Variants in CBFA2T3 observed in about 807,000 individuals in gnomAD.
The protein encoded by CBFA2T3 is transcriptional corepressor CBFA2T3.
In CBFA2T3, 31 loss-of-function variants were observed where a neutral mutation model predicts 58.6. The observed-to-expected ratio is 0.53, with a 90% confidence interval of 0.40 to 0.71. The LOEUF (loss-of-function observed/expected upper bound fraction) is 0.71, where lower values mean the gene tolerates loss of function less well. CBFA2T3 is among the 30% of genes least tolerant of loss of function. CBFA2T3 has a pLI of 0.00. For synonymous variants in CBFA2T3, 531 were observed against 421.9 expected (o/e 1.26, Z -3.17); for missense variants, 1,076 against 963.1 (o/e 1.12, Z -1.55).
At chr16:88,945,382 A>G (rs987262005) in intron 1 of CBFA2T3, among the ~76,000 whole-genome samples, 2 of 152,272 alleles carry the variant, frequency 1.3e-5, no homozygotes, top group Non-Finnish European at 2.9e-5. Context: ...AAGACAGGCC[A>G]TAGACTGGGA....
At chr16:88,966,334 C>T (rs915506968) in intron 1 of CBFA2T3, among the ~76,000 whole-genome samples, 22 of 152,294 alleles carry the variant, frequency 1.4e-4, no homozygotes, top group Admixed American at 3.3e-4. Context: ...AGGCCTGTGC[C>T]GGGGTAGGGG....
chr16:88,876,954 G>A lies in CBFA2T3; in HGVS notation c.*22C>T, dbSNP rs770377861. 34 of 1,409,106 alleles carry A rather than the reference G, an allele frequency of 2.4e-5. No individual in the cohort carries two copies. The East Asian group carries it at 5.7e-4, about 24-fold the overall frequency. The allele number at this position is 1,409,106 out of a possible 1,614,324, so 87.3% of individuals were successfully genotyped here. ...GTGGGGTTGGCACGGTGCTGTGTCCGGCAGGCCAGGGGCCAGTGGGGTCAG... is the reference window on the plus strand; with the variant it reads ...GTGGGGTTGGCACGGTGCTGTGTCCAGCAGGCCAGGGGCCAGTGGGGTCAG... On this transcript the variant is annotated 3_prime_UTR_variant, in exon 12 of 12. Transcript: ENST00000268679.
chr16:88,911,539 C>T (rs965477120), intron 1 of CBFA2T3, among the ~76,000 whole-genome samples: 2 of 152,382 alleles, frequency 1.3e-5, no homozygotes, highest in East Asian at 1.9e-4. Context: ...GAACCTCAGG[C>T]GCCCTCTCCC....
At position 88,951,322 on chromosome 16, in the gene CBFA2T3, T is replaced by G. The variant is rs111390870; in HGVS notation, c.151+25335A>C. The G allele has an allele frequency of 4.7e-3, 2,129 of 457,518 alleles. 38 individuals carry two copies. Among genetic ancestry groups the G allele is most frequent in the African/African-American group, 0.038 (1,927 of 50,188 alleles). 28.3% of individuals were successfully genotyped at this position (457,518 alleles called of 1,614,324 possible). A position where few individuals can be genotyped will look rare whatever the true frequency, so the allele number is the denominator to read the frequency against. ...ACAGAGGGTCGAGTGTTGGCACCTG[T>G]CTTCTGGGTCTCCATCCCTCCCTTT... On this transcript the variant is annotated intron_variant, in intron 1 of 11. Transcript: ENST00000268679.
At chr16:88,912,066 C>T (rs1313631155) in intron 1 of CBFA2T3, among the ~76,000 whole-genome samples, 9 of 152,272 alleles carry the variant, frequency 5.9e-5, no homozygotes, top group African/African-American at 1.9e-4. Flanking sequence ...GAAAATCTCA[C>T]AAACTCCCTC....
chr16:88,917,599 TCA>T (rs1475470576), intron 1 of CBFA2T3, among the ~76,000 whole-genome samples: 13 of 152,140 alleles, frequency 8.5e-5, no homozygotes, highest in Non-Finnish European at 8.8e-5. Context: ...TGGCTGCAAA[TCA>T]CCTTGAACTC....
intron 1 of CBFA2T3, among the ~76,000 whole-genome samples, chr16:88,901,990 G>A (rs1197421717): frequency 2.0e-5 from 3 of 152,212 alleles, no homozygotes. Flanking sequence ...AGGCAGCGGT[G>A]CCTTGCTCCC....
At chr16:88,895,192 T>G (rs1475698683) in intron 3 of CBFA2T3, among the ~76,000 whole-genome samples, 1 of 152,148 alleles carries the variant, frequency 6.6e-6, no homozygotes, top group East Asian at 1.9e-4. Context: ...GGCCGCACCC[T>G]CCAGAGGGCA....
intron 1 of CBFA2T3, among the ~76,000 whole-genome samples, chr16:88,965,216 A>T (rs1231749910): frequency 6.6e-6 from 1 of 151,508 alleles, no homozygotes; most frequent in African/African-American, 2.4e-5. Flanking sequence ...ATTTGAATTA[A>T]TATCTGACAA....
At chr16:88,922,770 C>T (rs889980135) in intron 1 of CBFA2T3, among the ~76,000 whole-genome samples, 2 of 152,246 alleles carry the variant, frequency 1.3e-5, no homozygotes, top group Admixed American at 1.3e-4. Context: ...GAGACGGTGA[C>T]ACCACTGTTC....
chr16:88,881,406 C>T lies in CBFA2T3; in HGVS notation c.1287G>A (p.Glu429=), dbSNP rs1597657342. 1.2e-6 allele frequency: 2 copies of T among 1,606,482 alleles called. No homozygotes were observed. The highest frequency in any genetic ancestry group is 1.7e-6 in the Non-Finnish European group (2 of 1,177,736). ...AGCGCCGCGCCCAGTGGTTGAGCTCCTCGCGGTCGGCCTCCTGGCACCTGC... is the reference window on the plus strand; with the variant it reads ...AGCGCCGCGCCCAGTGGTTGAGCTCTTCGCGGTCGGCCTCCTGGCACCTGC... The part of the protein sequence containing the change: ...VLRRCQEADR[E]ELNHWARRYS... Residue 429 remains glutamate, a synonymous_variant, in exon 9 of 12, where the codon GAG becomes GAA. Coordinates refer to ENST00000268679, the MANE Select transcript of CBFA2T3 (RefSeq NM_005187.6).
intron 1 of CBFA2T3, among the ~76,000 whole-genome samples, chr16:88,906,663 C>T (rs1970348176): frequency 6.6e-6 from 1 of 152,196 alleles, no homozygotes; most frequent in Non-Finnish European, 1.5e-5. Context: ...ACCTGGTGCC[C>T]CAGGCCTATT....
chr16:88,924,737 T>C (rs1033538122), intron 1 of CBFA2T3, among the ~76,000 whole-genome samples: 1 of 152,136 alleles, frequency 6.6e-6, no homozygotes, highest in African/African-American at 2.4e-5. Flanking sequence ...TTGCCCCAGC[T>C]GGCCGGACGC....
chr16:88,899,508 G>A (rs911727716), intron 2 of CBFA2T3, among the ~76,000 whole-genome samples: 5 of 152,156 alleles, frequency 3.3e-5, no homozygotes, highest in Non-Finnish European at 7.3e-5. Context: ...ACCCCAAGGC[G>A]GGCTGGGAGT....
At chr16:88,907,376 G>C (rs891922779) in intron 1 of CBFA2T3, among the ~76,000 whole-genome samples, 1 of 152,192 alleles carries the variant, frequency 6.6e-6, no homozygotes, top group African/African-American at 2.4e-5. Context: ...GCTGGGGTGG[G>C]TGGGGTCAGT....
At chr16:88,908,509 G>A (rs1970413935) in intron 1 of CBFA2T3, among the ~76,000 whole-genome samples, 1 of 152,206 alleles carries the variant, frequency 6.6e-6, no homozygotes, top group African/African-American at 2.4e-5. Context: ...CAGAGCCAGT[G>A]GGAAAGAGCC....
At chr16:88,893,601 G>C (rs1175898057) in intron 3 of CBFA2T3, among the ~76,000 whole-genome samples, 1 of 152,220 alleles carries the variant, frequency 6.6e-6, no homozygotes, top group Non-Finnish European at 1.5e-5. Context: ...GTGCACACAG[G>C]CCAGTGCATG....
intron 3 of CBFA2T3, among the ~76,000 whole-genome samples, chr16:88,892,810 T>C (rs1024651916): frequency 6.6e-6 from 1 of 152,178 alleles, no homozygotes; most frequent in Non-Finnish European, 1.5e-5. Flanking sequence ...AGGGCTGGGA[T>C]GGCACCCACA....
At chr16:88,904,455 T>C (rs1970225653) in intron 1 of CBFA2T3, among the ~76,000 whole-genome samples, 1 of 152,224 alleles carries the variant, frequency 6.6e-6, no homozygotes, top group Admixed American at 6.5e-5. Flanking sequence ...GACCTGGTGT[T>C]GCCCCCACAG....
Sources: gnomAD v4.1 joint callset for allele counts (sites outside exome capture counted in the v4.1 genomes callset) on GRCh38, gnomAD v4.1.1 for gene constraint, MANE v1.5 for transcripts, NCBI Gene and HGNC (gene_info 2026-07-23, HGNC 2026-07-21) for gene names.